Variants in TBC1D15 observed in about 807,000 individuals in gnomAD.
TBC1D15 encodes the protein TBC1 domain family member 15.
A neutral mutation model predicts 95.4 loss-of-function variants in TBC1D15; 39 were observed. That is an observed-to-expected ratio of 0.41 (90% confidence interval 0.32 to 0.53). The LOEUF (loss-of-function observed/expected upper bound fraction) is 0.53, where lower values mean the gene tolerates loss of function less well. TBC1D15 is among the 20% of genes least tolerant of loss of function. TBC1D15 has a pLI of 0.29. For synonymous variants in TBC1D15, 258 were observed against 261.3 expected, an observed-to-expected ratio of 0.99 and a Z score of 0.12; for missense variants, 733 against 794.3, an observed-to-expected ratio of 0.92 and a Z score of 0.93.
chr12:71,869,123 TCTA>T (rs1419879100), intron 1 of TBC1D15, among the ~76,000 whole-genome samples: 1 of 152,186 alleles, frequency 6.6e-6, no homozygotes, highest in Non-Finnish European at 1.5e-5. Context: ...GCAGCTAAAA[TCTA>T]CTTATTTAAC....
chr12:71,880,384 C>T, intron 3 of TBC1D15, 85 bp from the exon 4 acceptor site: 1 of 1,209,362 alleles, frequency 8.3e-7, no homozygotes, highest in Admixed American at 2.5e-5. Flanking sequence ...TGCAGCCTGC[C>T]TACAAACATT....
At chr12:71,916,235 A>G (rs1359734536) in intron 12 of TBC1D15, among the ~76,000 whole-genome samples, 2 of 151,496 alleles carry the variant, frequency 1.3e-5, no homozygotes, top group African/African-American at 2.4e-5. Flanking sequence ...TGTTGATCCC[A>G]CTCTCCCTTC....
chr12:71,882,276 T>G (rs1895353114), intron 4 of TBC1D15, among the ~76,000 whole-genome samples: 1 of 152,194 alleles, frequency 6.6e-6, no homozygotes, highest in Non-Finnish European at 1.5e-5. Flanking sequence ...TCCTTTGTTA[T>G]TATATACCAG....
Position 71,923,154 on chromosome 12 carries a change from C to T in TBC1D15, c.1975C>T (p.Pro659Ser), listed in dbSNP as rs200399896. 5.0e-6 allele frequency: 8 copies of T among 1,614,156 alleles called. No homozygotes were observed. The highest frequency in any genetic ancestry group is 6.8e-6 in the Non-Finnish European group (8 of 1,180,026). Residue 659 changes from proline to serine, a missense_variant, in exon 17 of 17, where the codon CCA (proline) becomes TCA (serine). Coordinates refer to ENST00000485960, the MANE Select transcript of TBC1D15 (RefSeq NM_001146213.3). ...LSASGARNDS[P>S]TQIPVSSDVC... ...TGCCAGTGGAGCCAGAAATGACAGC[C>T]CAACACAGATACCAGTGTCCTCAGA... is the stretch of plus-strand genomic sequence containing the variant.
chr12:71,909,874 A>G (rs1276271330), intron 11 of TBC1D15, among the ~76,000 whole-genome samples: 1 of 152,150 alleles, frequency 6.6e-6, no homozygotes, highest in Non-Finnish European at 1.5e-5. Flanking sequence ...CAATTTAAAT[A>G]TATTTAATCT....
intron 1 of TBC1D15, chr12:71,861,422 G>A: frequency 6.7e-7 from 1 of 1,483,988 alleles, no homozygotes; most frequent in Non-Finnish European, 8.9e-7. Context: ...GTTTCTTCTT[G>A]ATTCAATCTT....
chr12:71,889,634 T>C (rs1200803712), intron 5 of TBC1D15, among the ~76,000 whole-genome samples: 1 of 152,174 alleles, frequency 6.6e-6, no homozygotes, highest in Non-Finnish European at 1.5e-5. Flanking sequence ...TCAGATTCTT[T>C]TTTGTTTTAA....
At chr12:71,921,343 A>G (rs766842864) in intron 15 of TBC1D15, 25 bp from the exon 16 acceptor site, 1 of 1,392,830 alleles carries the variant, frequency 7.2e-7, no homozygotes, top group Admixed American at 1.9e-5. Context: ...TTTCGATATC[A>G]TTTTATTTTG....
At chr12:71,844,837 C>T (rs1314277643) in intron 1 of TBC1D15, among the ~76,000 whole-genome samples, 1 of 152,202 alleles carries the variant, frequency 6.6e-6, no homozygotes, top group Non-Finnish European at 1.5e-5. Flanking sequence ...TACTGGCTTA[C>T]ATAATACTGC....
At chr12:71,869,547 A>G (rs1436927050) in intron 1 of TBC1D15, among the ~76,000 whole-genome samples, 1 of 152,100 alleles carries the variant, frequency 6.6e-6, no homozygotes, top group Non-Finnish European at 1.5e-5. Context: ...ACAAAACAAA[A>G]CAAAACTCAA....
chr12:71,913,614 C>T, intron 11 of TBC1D15: 2 of 442,770 alleles, frequency 4.5e-6, no homozygotes, highest in Non-Finnish European at 7.9e-6. Flanking sequence ...TATTGTTTGA[C>T]ATCTCAATCT....
In TBC1D15 at chr12:71,864,669, C is replaced by T. The variant is rs575776291; in HGVS notation, c.31-7401C>T. On this transcript the variant is annotated intron_variant, in intron 1 of 16. Transcript: ENST00000485960. The stretch of plus-strand genomic sequence containing the variant: ...TTACAGGCGCCTGCCACCATGCCCG[C>T]CTAATTTTTGTATTTTTAGTAGCGA... 3.8e-4 allele frequency among the ~76,000 whole-genome samples: 57 copies of T among 151,760 alleles called. No homozygotes were observed. In the East Asian group the frequency reaches 7.8e-3, roughly 21 times the overall value.
chr12:71,894,085 G>T (rs1257323724), intron 6 of TBC1D15, among the ~76,000 whole-genome samples: 1 of 151,962 alleles, frequency 6.6e-6, no homozygotes, highest in Non-Finnish European at 1.5e-5. Context: ...ATATGAATGA[G>T]CAAATAGTTT....
Position 71,923,923 on chromosome 12 carries a change from A to G in TBC1D15, c.*719A>G, listed in dbSNP as rs1870328630. ...ATATAACCTGGTTTATCAAAATTTAACATGGCTTCAGTATGAGATCTTTTT... is the reference window on the plus strand; with the variant it reads ...ATATAACCTGGTTTATCAAAATTTAGCATGGCTTCAGTATGAGATCTTTTT... On this transcript the variant is annotated 3_prime_UTR_variant, in exon 17 of 17. Coordinates refer to ENST00000485960, the MANE Select transcript of TBC1D15 (RefSeq NM_001146213.3). 1 of 152,574 alleles carries G rather than the reference A, an allele frequency of 6.6e-6. No homozygotes were observed. Among genetic ancestry groups the G allele is most frequent in the Non-Finnish European group, 1.5e-5 (1 of 68,022 alleles). 9.5% of individuals were successfully genotyped at this position (152,574 alleles called of 1,614,324 possible). A position where few individuals can be genotyped will look rare whatever the true frequency, so the allele number is the denominator to read the frequency against.
chr12:71,847,232 C>A (rs927464253), intron 1 of TBC1D15, among the ~76,000 whole-genome samples: 2 of 152,094 alleles, frequency 1.3e-5, no homozygotes, highest in Non-Finnish European at 2.9e-5. Flanking sequence ...TGTCCTCAGG[C>A]AACCACTGAG....
At chr12:71,864,083 T>G (rs183951424) in intron 1 of TBC1D15, among the ~76,000 whole-genome samples, 4 of 152,270 alleles carry the variant, frequency 2.6e-5, no homozygotes, top group African/African-American at 9.6e-5. Context: ...TGCTTTTTTT[T>G]TTTGAGACGG....
In TBC1D15 at chr12:71,917,690, T is replaced by C; in HGVS notation, c.1402-8T>C. The C allele has an allele frequency of 6.3e-7, 1 of 1,582,800 alleles. No homozygotes were observed. Among genetic ancestry groups the C allele is most frequent in the Admixed American group, 1.7e-5 (1 of 59,742 alleles). On this transcript the variant is annotated splice_polypyrimidine_tract_variant and splice_region_variant and intron_variant, in intron 12 of 16. Transcript: ENST00000485960. ...AATATTACTTGTAACAATTATTTCC[T>C]TTTAAAGCATCAGAATTTTGAAGAA...
At chr12:71,843,487 A>G (rs1324146510) in intron 1 of TBC1D15, among the ~76,000 whole-genome samples, 1 of 152,114 alleles carries the variant, frequency 6.6e-6, no homozygotes, top group East Asian at 1.9e-4. Context: ...GTTTTCCTAG[A>G]CTGGATCTTT....
At chr12:71,875,716 CTTCTAA>C (rs1893662714) in intron 3 of TBC1D15, among the ~76,000 whole-genome samples, 1 of 151,876 alleles carries the variant, frequency 6.6e-6, no homozygotes, top group South Asian at 2.1e-4. Context: ...AATGGTTGTA[CTTCTAA>C]TTCTGTTATG....
Sources: gnomAD v4.1 joint callset for allele counts (sites outside exome capture counted in the v4.1 genomes callset) on GRCh38, gnomAD v4.1.1 for gene constraint, MANE v1.5 for transcripts, NCBI Gene and HGNC (gene_info 2026-07-23, HGNC 2026-07-21) for gene names.